The following CSMD1 variants were observed in gnomAD, a reference collection of about 807,000 sequenced individuals.
The protein encoded by CSMD1 is CUB and sushi domain-containing protein 1.
Under a neutral mutation model 417.5 loss-of-function variants are expected in CSMD1, and 213 were observed. The ratio of observed to expected loss-of-function variants is 0.51; its 90% CI spans 0.46 to 0.57. The LOEUF is 0.57. CSMD1 is among the 20% of genes least tolerant of loss of function. The probability of loss-of-function intolerance (pLI) is 0.00; values close to 1 mark genes in which losing one functional copy is unlikely to be tolerated. For missense variants in CSMD1, 6,923 were observed against 4,529.7 expected, an observed-to-expected ratio of 1.53 and a Z score of -15.17; for synonymous variants, 2,862 against 1,736.8, an observed-to-expected ratio of 1.65 and a Z score of -16.11.
At chr8:3,790,030 C>T (rs1050857608) in intron 5 of CSMD1, among the ~76,000 whole-genome samples, 2 of 152,102 alleles carry the variant, frequency 1.3e-5, no homozygotes, top group East Asian at 1.9e-4. Context: ...CATGCCCGGC[C>T]GATCATGGTT....
chr8:4,268,045 T>C (rs909210632), intron 3 of CSMD1, among the ~76,000 whole-genome samples: 69 of 152,220 alleles, frequency 4.5e-4, no homozygotes, highest in African/African-American at 1.6e-3. Flanking sequence ...TCTTGAAAAG[T>C]GTGTTCACAA....
chr8:3,708,197 C>G (rs79942393), intron 7 of CSMD1, among the ~76,000 whole-genome samples: 4,209 of 152,208 alleles, frequency 0.028, 183 homozygotes, highest in African/African-American at 0.096. Flanking sequence ...TCAGGGCAGA[C>G]GTGACACATG....
chr8:3,384,704 A>G (rs1456225708), intron 18 of CSMD1, among the ~76,000 whole-genome samples: 1 of 98,712 alleles, frequency 1.0e-5, no homozygotes, highest in Non-Finnish European at 1.9e-5. Context: ...TATAAATTAT[A>G]TATAAATATA....
chr8:4,635,843 G>T (rs1802783402), intron 2 of CSMD1, among the ~76,000 whole-genome samples: 1 of 151,970 alleles, frequency 6.6e-6, no homozygotes, highest in South Asian at 2.1e-4. Context: ...TGTAATAAAA[G>T]GACAGAGGAA....
intron 1 of CSMD1, among the ~76,000 whole-genome samples, chr8:4,903,533 G>A (rs1171669844): frequency 6.6e-6 from 1 of 152,106 alleles, no homozygotes; most frequent in African/African-American, 2.4e-5. Flanking sequence ...TACTGAAACA[G>A]GAGATATATT....
chr8:3,242,760 G>A (rs953183907), intron 26 of CSMD1, among the ~76,000 whole-genome samples: 4 of 151,872 alleles, frequency 2.6e-5, no homozygotes, highest in Admixed American at 6.6e-5. Context: ...TGGAGGGAAG[G>A]GGTTCGGGGT....
intron 3 of CSMD1, among the ~76,000 whole-genome samples, chr8:4,383,561 C>G (rs1221259568): frequency 6.6e-6 from 1 of 152,094 alleles, no homozygotes; most frequent in Non-Finnish European, 1.5e-5. Context: ...CATTTATAAA[C>G]CTCAAATCTG....
At chr8:4,429,022 A>C (rs76279144) in intron 2 of CSMD1, among the ~76,000 whole-genome samples, 1 of 152,062 alleles carries the variant, frequency 6.6e-6, no homozygotes, top group Non-Finnish European at 1.5e-5. Flanking sequence ...GCCTTATCTT[A>C]GGTATTTTTT....
In CSMD1 at chr8:2,937,449, AAAAC is replaced by A. The variant is rs759632562; in HGVS notation, c.*1132_*1135del. On this transcript the variant is annotated 3_prime_UTR_variant, in exon 70 of 70. Coordinates refer to ENST00000635120, the MANE Select transcript of CSMD1 (RefSeq NM_033225.6). The stretch of plus-strand genomic sequence containing the variant: ...GCACAGTAAAAGACAAAAAAAAAAA[AAAAC>A]AAAAAAAAAACACTGCAAAAGGGAA... 3 of 109,678 alleles carry A rather than the reference AAAAC, an allele frequency of 2.7e-5. No homozygotes were observed. Among genetic ancestry groups the A allele is most frequent in the Non-Finnish European group, 4.1e-5 (2 of 49,142 alleles). The allele number at this position is 109,678 out of a possible 1,614,324, so 6.8% of individuals were successfully genotyped here.
In CSMD1 at chr8:3,610,268, G is replaced by A. The variant is rs529219283; in HGVS notation, c.1097+6442C>T. 8.5e-5 allele frequency among the ~76,000 whole-genome samples: 13 copies of A among 152,200 alleles called. No homozygotes were observed. In the East Asian group the frequency reaches 9.7e-4, roughly 11 times the overall value. ...ATAAATCGATATGTGGGCTGGGCAC[G>A]GTATCAGTAATTCCAGCAATTTTGA... On this transcript the variant is annotated intron_variant, in intron 8 of 69. Coordinates refer to ENST00000635120, the MANE Select transcript of CSMD1 (RefSeq NM_033225.6).
chr8:4,572,071 A>G lies in CSMD1; in HGVS notation c.302+65271T>C, dbSNP rs537445228. Among the ~76,000 whole-genome samples the G allele has an allele frequency of 3.3e-5, 5 of 152,218 alleles. No individual in the cohort carries two copies. In the South Asian group the frequency reaches 1.0e-3, roughly 32 times the overall value. On this transcript the variant is annotated intron_variant, in intron 2 of 69. Transcript: ENST00000635120. Reference sequence around the variant, plus strand: ...CCGATGGGTCTTGACTCTTTATTCAATTTTCCAGTCTGTGTCTTTTAATTG... The same window carrying G: ...CCGATGGGTCTTGACTCTTTATTCAGTTTTCCAGTCTGTGTCTTTTAATTG...
chr8:4,059,060 A>C (rs1180561305), intron 3 of CSMD1, among the ~76,000 whole-genome samples: 1 of 152,170 alleles, frequency 6.6e-6, no homozygotes, highest in Non-Finnish European at 1.5e-5. Flanking sequence ...CTCCTCAGCA[A>C]ATGTAAAAGA....
chr8:3,942,741 G>A lies in CSMD1; in HGVS notation c.818+55162C>T, dbSNP rs946194039. 4.6e-5 allele frequency among the ~76,000 whole-genome samples: 7 copies of A among 152,104 alleles called. 1 individual carries two copies. The highest frequency in any genetic ancestry group is 3.3e-4 in the Admixed American group (5 of 15,274). On this transcript the variant is annotated intron_variant, in intron 5 of 69. Transcript: ENST00000635120. ...TATAACATACGCTCAAAATACTAATGCATGTGTGAAGTCTGTATTTATTAC... is the reference window on the plus strand; with the variant it reads ...TATAACATACGCTCAAAATACTAATACATGTGTGAAGTCTGTATTTATTAC...
At chr8:3,260,275 G>A (rs965769144) in intron 26 of CSMD1, among the ~76,000 whole-genome samples, 11 of 151,972 alleles carry the variant, frequency 7.2e-5, no homozygotes, top group Admixed American at 2.6e-4. Context: ...TGAGATCCTC[G>A]CCCAGAATAG....
intron 23 of CSMD1, 48 bp from the exon 24 acceptor site, chr8:3,308,551 C>A: frequency 6.7e-7 from 1 of 1,494,558 alleles, no homozygotes; most frequent in Non-Finnish European, 9.2e-7. Flanking sequence ...GGGTGGACAT[C>A]TGCCTTAAAA....
At chr8:4,569,808 T>A (rs1290335222) in intron 2 of CSMD1, among the ~76,000 whole-genome samples, 1 of 152,174 alleles carries the variant, frequency 6.6e-6, no homozygotes, top group Non-Finnish European at 1.5e-5. Context: ...TGTGTCCTCT[T>A]TTATTTCCTT....
chr8:4,347,070 A>AT (rs1388695900), intron 3 of CSMD1, among the ~76,000 whole-genome samples: 2 of 152,006 alleles, frequency 1.3e-5, no homozygotes, highest in African/African-American at 4.8e-5. Flanking sequence ...ACCTTTGACC[A>AT]TTTTTCTCCT....
At chr8:4,270,854 A>G (rs1804543690) in intron 3 of CSMD1, among the ~76,000 whole-genome samples, 1 of 152,120 alleles carries the variant, frequency 6.6e-6, no homozygotes, top group Non-Finnish European at 1.5e-5. Context: ...TTACTCACTG[A>G]TGCTTGAAAT....
At chr8:3,987,018 G>C (rs1040518193) in intron 5 of CSMD1, among the ~76,000 whole-genome samples, 4 of 152,144 alleles carry the variant, frequency 2.6e-5, no homozygotes, top group African/African-American at 7.2e-5. Context: ...GCCTCCCAAA[G>C]TGCTGGGATT....
Sources: gnomAD v4.1 joint callset for allele counts (sites outside exome capture counted in the v4.1 genomes callset) on GRCh38, gnomAD v4.1.1 for gene constraint, MANE v1.5 for transcripts, NCBI Gene and HGNC (gene_info 2026-07-23, HGNC 2026-07-21) for gene names.